Variants in NPC1 observed in about 807,000 individuals in gnomAD.
NPC1 encodes NPC intracellular cholesterol transporter 1, also known as Niemann-Pick C1 protein.
In NPC1, 85 loss-of-function variants were observed where a neutral mutation model predicts 140.4. The observed-to-expected ratio is 0.61, with a 90% CI of 0.51 to 0.72. The LOEUF (loss-of-function observed/expected upper bound fraction) is 0.72. Ranked by LOEUF, NPC1 falls within the 30% of genes least tolerant of loss-of-function variation. The probability of loss-of-function intolerance (pLI) is 0.00; values close to 1 mark genes in which losing one functional copy is unlikely to be tolerated. For synonymous variants in NPC1, 656 were observed against 624.8 expected (o/e 1.05, Z -0.74); for missense variants, 1,504 against 1,623.8 (o/e 0.93, Z 1.27).
chr18:23,533,874 A>G (rs986347262), intron 23 of NPC1: 4 of 358,870 alleles, frequency 1.1e-5, no homozygotes, highest in African/African-American at 2.1e-5. Context: ...ATCATCTACT[A>G]CCTAACACTA....
intron 1 of NPC1, among the ~76,000 whole-genome samples, chr18:23,574,004 T>C (rs1213288978): frequency 6.6e-6 from 1 of 152,178 alleles, no homozygotes; most frequent in African/African-American, 2.4e-5. Flanking sequence ...ACATCATGAG[T>C]AACATGAAGA....
chr18:23,512,232 G>C (rs1429412132), intron 3 of NPC1, among the ~76,000 whole-genome samples: 2 of 152,004 alleles, frequency 1.3e-5, no homozygotes, highest in Non-Finnish European at 2.9e-5. Flanking sequence ...TGTTGGCCAG[G>C]CTGGTCTTGA....
At chr18:23,543,349 A>G (rs200708439) in intron 14 of NPC1, 106 bp downstream of exon 14, 46 of 641,724 alleles carry the variant, frequency 7.2e-5, no homozygotes, top group Admixed American at 1.6e-4. Flanking sequence ...AAAAAAAAGA[A>G]AAAAAAAAAA....
rs1555633326 is a variant in NPC1, at chr18:23,539,922, T to TC, written c.2683dup (p.Glu895GlyfsTer23). The TC allele has an allele frequency of 6.2e-7, 1 of 1,614,160 alleles. No homozygotes were observed. The highest frequency in any genetic ancestry group is 2.2e-5 in the East Asian group (1 of 44,874). On this transcript the variant is annotated frameshift_variant, in exon 18 of 25. Transcript: ENST00000269228. LOFTEE classifies it high-confidence loss of function. ...CTTGGAAGAAGTGTAGTCGTGCCCT[T>TC]CCTCCAGGACAAAGTACACAGGCGG...
intron 3 of NPC1, among the ~76,000 whole-genome samples, chr18:23,571,069 G>C (rs1394084981): frequency 6.6e-6 from 1 of 152,198 alleles, no homozygotes; most frequent in East Asian, 1.9e-4. Flanking sequence ...AAAGGAGCCT[G>C]GCCGCAGTGC....
intron 24 of NPC1, 35 bp downstream of exon 24, chr18:23,533,320 C>T: frequency 1.9e-6 from 3 of 1,593,162 alleles, no homozygotes; most frequent in Non-Finnish European, 2.6e-6. Context: ...TAATGTCCTT[C>T]TATTGTGCCA....
rs1225572487 is a variant in NPC1 at position 23,533,522 on chromosome 18, A to G, written c.3592-5T>C. 1 of 1,613,996 alleles carries G rather than the reference A, an allele frequency of 6.2e-7. No individual in the cohort carries two copies. Among genetic ancestry groups the G allele is most frequent in the East Asian group, 2.2e-5 (1 of 44,880 alleles). On this transcript the variant is annotated splice_region_variant and splice_polypyrimidine_tract_variant and intron_variant, in intron 23 of 24. Transcript: ENST00000269228. ...AAGTGTGATTCCACTGAACACCTAA[A>G]AGAAGAGATACTGTGTTAGAAACCA...
chr18:23,540,678 C>T (rs1454609904), intron 16 of NPC1, 141 bp from the exon 17 acceptor site: 1 of 717,790 alleles, frequency 1.4e-6, no homozygotes, highest in Non-Finnish European at 2.5e-6. Flanking sequence ...GAGTACAGGG[C>T]AGTGGGTGAG....
intron 7 of NPC1, 26 bp from the exon 8 acceptor site, chr18:23,556,639 G>C (rs1254588293): frequency 1.2e-6 from 2 of 1,613,212 alleles, no homozygotes; most frequent in Non-Finnish European, 8.5e-7. Flanking sequence ...AGGAAGGGAA[G>C]GTGGAGGTTA....
In NPC1 at chr18:23,533,367, G is replaced by T; in HGVS notation, c.3742C>A (p.Leu1248Ile). ...THGLIFLPVL[L>I]SYIGPSVNKA... ...TGAGAACTCTTACCTATGTAACTGA[G>T]TAAGACAGGGAGAAATATTAATCCG... is the stretch of plus-strand genomic sequence containing the variant. The change falls in exon 24 of 25, where the codon CTC (leucine) becomes ATC (isoleucine). Residue 1248 changes from leucine to isoleucine, a missense_variant. Leu to Ile is a conservative substitution (Grantham distance 5). Transcript: ENST00000269228. 1.2e-6 allele frequency: 2 copies of T among 1,613,990 alleles called. No homozygotes were observed. The highest frequency in any genetic ancestry group is 2.2e-5 in the South Asian group (2 of 91,078).
At chr18:23,566,200 G>T (rs2059120748) in intron 4 of NPC1, among the ~76,000 whole-genome samples, 1 of 151,746 alleles carries the variant, frequency 6.6e-6, no homozygotes, top group Non-Finnish European at 1.5e-5. Context: ...AGGCCAGCCT[G>T]GGCAAAAAAG....
intron 4 of NPC1, among the ~76,000 whole-genome samples, chr18:23,562,533 T>A (rs2059058665): frequency 6.6e-6 from 1 of 152,090 alleles, no homozygotes; most frequent in Non-Finnish European, 1.5e-5. Flanking sequence ...TGTTTTACCC[T>A]TGTTCTGGAA....
Position 23,572,166 on chromosome 18 carries a change from T to G in NPC1, c.195A>C (p.Gly65=). The change falls in exon 3 of 25, where the codon GGA becomes GGC. Residue 65 remains glycine, a synonymous_variant. Transcript: ENST00000269228. ...AGAGACTGACATTGCCAAAGAAGAATCCTGGACAGAGTTCCTTTCAGGTGA... is the reference window on the plus strand; with the variant it reads ...AGAGACTGACATTGCCAAAGAAGAAGCCTGGACAGAGTTCCTTTCAGGTGA... The part of the protein sequence containing the change: ...GYDLVQELCP[G]FFFGNVSLCC... 1 of 1,612,846 alleles carries G rather than the reference T, an allele frequency of 6.2e-7. No homozygotes were observed. Among genetic ancestry groups the G allele is most frequent in the Non-Finnish European group, 8.5e-7 (1 of 1,179,256 alleles).
intron 3 of NPC1, chr18:23,509,132 G>T: frequency 1.8e-6 from 1 of 566,662 alleles, no homozygotes; most frequent in Non-Finnish European, 2.7e-6. Context: ...TGAAGCTTTT[G>T]AAGAGAGTTA....
chr18:23,556,303 T>A lies in NPC1; in HGVS notation c.1266A>T (p.Pro422=). The change falls in exon 8 of 25, where the codon CCA becomes CCT. Residue 422 remains proline (P), a synonymous_variant. Transcript: ENST00000269228. ...APLTDKHIYQ[P]YPSGADVPFG... ...AGGGTACATCAGCTCCCGAAGGGTA[T>A]GGCTGGTAAATGTGTTTGTCAGTGA... 6.2e-7 allele frequency: 1 copy of A among 1,614,136 alleles called. No homozygotes were observed. The highest frequency in any genetic ancestry group is 1.1e-5 in the South Asian group (1 of 91,080).
downstream of NPC1, among the ~76,000 whole-genome samples, chr18:23,522,151 T>C (rs1454181225): frequency 5.3e-5 from 8 of 152,244 alleles, no homozygotes; most frequent in Admixed American, 5.2e-4. Context: ...AGCCAAAAGC[T>C]TAGTTACTTT....
chr18:23,564,816 C>T (rs923851693), intron 4 of NPC1, among the ~76,000 whole-genome samples: 1 of 152,120 alleles, frequency 6.6e-6, no homozygotes, highest in Non-Finnish European at 1.5e-5. Flanking sequence ...TTTAGGTCTT[C>T]GATCCACTTT....
chr18:23,542,499 C>T (rs1458347717), intron 14 of NPC1, among the ~76,000 whole-genome samples: 1 of 152,078 alleles, frequency 6.6e-6, no homozygotes, highest in East Asian at 1.9e-4. Flanking sequence ...TCCAGCCTCC[C>T]CTATAGTGGA....
intron 6 of NPC1, among the ~76,000 whole-genome samples, chr18:23,559,986 G>A (rs953485248): frequency 3.3e-5 from 5 of 151,976 alleles, no homozygotes; most frequent in South Asian, 4.1e-4. Flanking sequence ...AGTGGCTAAT[G>A]CACAGTGCTT....
Sources: gnomAD v4.1 joint callset for allele counts (sites outside exome capture counted in the v4.1 genomes callset) on GRCh38, gnomAD v4.1.1 for gene constraint, MANE v1.5 for transcripts, NCBI Gene and HGNC (gene_info 2026-07-23, HGNC 2026-07-21) for gene names.